Variants in NUP35 observed in about 807,000 individuals in gnomAD.
NUP35 encodes the protein nucleoporin NUP35.
In NUP35, 25 loss-of-function variants were observed where a neutral mutation model predicts 41.5. That is an observed-to-expected ratio of 0.60 (90% confidence interval 0.44 to 0.84). NUP35 has a LOEUF of 0.84. Ranked by LOEUF, NUP35 falls within the 40% of genes least tolerant of loss-of-function variation. NUP35 has a pLI of 0.00. For missense variants in NUP35, 396 were observed against 396.6 expected, an observed-to-expected ratio of 1.00 and a Z score of 0.01; for synonymous variants, 149 against 130.7, an observed-to-expected ratio of 1.14 and a Z score of -0.96.
chr2:183,145,172 T>C (rs762941189), intron 4 of NUP35, among the ~76,000 whole-genome samples: 7 of 152,248 alleles, frequency 4.6e-5, no homozygotes, highest in Non-Finnish European at 1.0e-4. Flanking sequence ...ACTAAAGCAA[T>C]AGTTGGTAAC....
chr2:183,138,276 T>A (rs1173563325), intron 4 of NUP35, among the ~76,000 whole-genome samples: 136 of 134,514 alleles, frequency 1.0e-3, no homozygotes, highest in African/African-American at 3.2e-3. Context: ...TATATTTTTT[T>A]TTTTTTTTAG....
chr2:183,156,188 T>G (rs547314106), intron 5 of NUP35, among the ~76,000 whole-genome samples: 1 of 152,338 alleles, frequency 6.6e-6, no homozygotes, highest in Non-Finnish European at 1.5e-5. Flanking sequence ...GCAGCCATTC[T>G]TTCTTCTTTT....
At chr2:183,156,424 T>TG (rs1685669074) in intron 5 of NUP35, among the ~76,000 whole-genome samples, 1 of 152,168 alleles carries the variant, frequency 6.6e-6, no homozygotes, top group Non-Finnish European at 1.5e-5. Context: ...ATTGCAACCT[T>TG]TCCTTCCCAG....
At chr2:183,128,233 A>G (rs923569716) in intron 1 of NUP35, 54 bp from the exon 2 acceptor site, 4 of 1,373,962 alleles carry the variant, frequency 2.9e-6, no homozygotes, top group African/African-American at 1.5e-5. Context: ...TGTCATCAAC[A>G]TGTAACAGAA....
intron 4 of NUP35, among the ~76,000 whole-genome samples, chr2:183,147,839 T>C (rs1480190119): frequency 6.6e-6 from 1 of 152,206 alleles, no homozygotes; most frequent in African/African-American, 2.4e-5. Flanking sequence ...ATCTGCGATT[T>C]CTTTCATCAG....
chr2:183,142,089 C>T (rs958050613), intron 4 of NUP35, among the ~76,000 whole-genome samples: 2 of 152,032 alleles, frequency 1.3e-5, no homozygotes, highest in African/African-American at 4.8e-5. Flanking sequence ...TCTGTGGAAG[C>T]CATTTGTGAT....
At chr2:183,118,786 T>C (rs1280838786) in intron 1 of NUP35, 1 of 152,160 alleles carries the variant, frequency 6.6e-6, no homozygotes, top group Non-Finnish European at 1.5e-5. Context: ...GAAAGTAAAG[T>C]ACACTTGGAA....
chr2:183,123,261 G>A (rs901912630), upstream of NUP35, among the ~76,000 whole-genome samples: 1 of 152,168 alleles, frequency 6.6e-6, no homozygotes, highest in South Asian at 2.1e-4. Context: ...ATTTGTGCTG[G>A]TTTAGTTAAC....
intron 4 of NUP35, among the ~76,000 whole-genome samples, chr2:183,146,335 T>C (rs1685277064): frequency 6.6e-6 from 1 of 152,238 alleles, no homozygotes; most frequent in Non-Finnish European, 1.5e-5. Context: ...AGAACTAATC[T>C]AATTTAACCT....
chr2:183,157,075 G>A (rs942925236), intron 5 of NUP35, among the ~76,000 whole-genome samples: 12 of 151,980 alleles, frequency 7.9e-5, no homozygotes, highest in South Asian at 2.1e-4. Flanking sequence ...TTTCATAACC[G>A]TAGTATACCT....
At chr2:183,140,036 C>T (rs1685030641) in intron 4 of NUP35, among the ~76,000 whole-genome samples, 1 of 152,174 alleles carries the variant, frequency 6.6e-6, no homozygotes, top group African/African-American at 2.4e-5. Flanking sequence ...TTTAATAATA[C>T]TGAATAAAAA....
rs188118144 is a variant in NUP35, at chr2:183,141,546, T to C, written c.397+7923T>C. 7.8e-4 allele frequency among the ~76,000 whole-genome samples: 119 copies of C among 152,374 alleles called. 1 individual carries two copies. The highest frequency in any genetic ancestry group is 1.5e-3 in the Non-Finnish European group (102 of 68,036). Reference sequence around the variant, plus strand: ...ACATCTAACTTTATTCCTTTGTCAGTGTTTGTACTGTGACTATGTAAATAC... The same window carrying C: ...ACATCTAACTTTATTCCTTTGTCAGCGTTTGTACTGTGACTATGTAAATAC... On this transcript the variant is annotated intron_variant, in intron 4 of 8. Coordinates refer to ENST00000295119, the MANE Select transcript of NUP35 (RefSeq NM_138285.5).
At chr2:183,130,087 G>C (rs1684643927) in intron 2 of NUP35, among the ~76,000 whole-genome samples, 1 of 152,186 alleles carries the variant, frequency 6.6e-6, no homozygotes, top group East Asian at 1.9e-4. Context: ...TAAGCGTTTT[G>C]TAGAGTGAGC....
intron 4 of NUP35, among the ~76,000 whole-genome samples, chr2:183,143,794 GTGTC>G (rs1203475137): frequency 6.6e-6 from 1 of 152,134 alleles, no homozygotes; most frequent in Admixed American, 6.5e-5. Context: ...CTTTTTTAGA[GTGTC>G]TGTCAGTAGG....
intron 4 of NUP35, among the ~76,000 whole-genome samples, chr2:183,138,270 T>TATATATATATATA (rs1553530933): frequency 2.4e-4 from 6 of 25,332 alleles, no homozygotes; most frequent in African/African-American, 7.9e-4. Flanking sequence ...TATATATATA[T>TATATATATATATA]TTTTTTTTTT....
chr2:183,144,010 A>G (rs2105584402), intron 4 of NUP35, among the ~76,000 whole-genome samples: 1 of 152,348 alleles, frequency 6.6e-6, no homozygotes, highest in Admixed American at 6.5e-5. Context: ...CTATAAATTA[A>G]GAGGTTACCA....
intron 2 of NUP35, 130 bp from the exon 3 acceptor site, chr2:183,130,288 T>A: frequency 1.1e-6 from 1 of 909,856 alleles, no homozygotes; most frequent in Non-Finnish European, 1.6e-6. Context: ...CCCAGGTGAC[T>A]GTTCAGCATA....
intron 1 of NUP35, among the ~76,000 whole-genome samples, chr2:183,127,879 T>C (rs72892682): frequency 0.079 from 11,970 of 152,082 alleles, 553 homozygotes; most frequent in South Asian, 0.17. Flanking sequence ...TCCAGAGCAG[T>C]CTGGGCAGCA....
intron 1 of NUP35, among the ~76,000 whole-genome samples, chr2:183,125,220 C>G (rs891420705): frequency 2.0e-5 from 3 of 151,200 alleles, no homozygotes; most frequent in African/African-American, 7.4e-5. Context: ...ATTGCGGAGC[C>G]TCGTTGAAAT....
Sources: allele counts gnomAD v4.1 joint callset (sites outside exome capture counted in the v4.1 genomes callset), GRCh38; gene constraint gnomAD v4.1.1; transcripts MANE v1.5; gene names NCBI Gene and HGNC (gene_info 2026-07-23, HGNC 2026-07-21).